The following FOXP1 variants were observed in gnomAD, a reference collection of about 807,000 sequenced individuals.
The protein encoded by FOXP1 is forkhead box protein P1.
In FOXP1, 15 loss-of-function variants were observed where a neutral mutation model predicts 98.2. That is an observed-to-expected ratio of 0.15 (90% CI 0.10 to 0.24). The LOEUF (loss-of-function observed/expected upper bound fraction) is 0.24. Ranked by LOEUF, FOXP1 falls within the 10% of genes least tolerant of loss-of-function variation. FOXP1 has a pLI of 1.00. For synonymous variants in FOXP1, 371 were observed against 314.5 expected (o/e 1.18, Z -1.90); for missense variants, 633 against 848.5 (o/e 0.75, Z 3.15).
intron 3 of FOXP1, among the ~76,000 whole-genome samples, chr3:71,425,125 G>A (rs2084034359): frequency 6.6e-6 from 1 of 151,342 alleles, no homozygotes; most frequent in South Asian, 2.1e-4. Context: ...GTTTTGTTTT[G>A]TTTTGTATGA....
intron 2 of FOXP1, among the ~76,000 whole-genome samples, chr3:71,539,334 G>A (rs2044601342): frequency 6.8e-6 from 1 of 147,580 alleles, no homozygotes; most frequent in African/African-American, 2.5e-5. Context: ...TGTTAGCCAG[G>A]ATGGTCTCGA....
intron 3 of FOXP1, among the ~76,000 whole-genome samples, chr3:71,467,305 C>A (rs907582226): frequency 6.6e-6 from 1 of 152,120 alleles, no homozygotes; most frequent in Admixed American, 6.5e-5. Context: ...GCTTCATTCA[C>A]CACACAGTAC....
At chr3:71,274,864 C>A (rs2070737214) in intron 5 of FOXP1, among the ~76,000 whole-genome samples, 1 of 152,204 alleles carries the variant, frequency 6.6e-6, no homozygotes, top group Non-Finnish European at 1.5e-5. Context: ...AATTCAGTAT[C>A]TGATCAATTG....
At chr3:71,174,937 G>C (rs1166228813) in intron 6 of FOXP1, among the ~76,000 whole-genome samples, 1 of 149,814 alleles carries the variant, frequency 6.7e-6, no homozygotes, top group Non-Finnish European at 1.5e-5. Context: ...TTTTGAGATG[G>C]AGTCTCGCTC....
intron 6 of FOXP1, chr3:71,130,599 T>G (rs764734707): frequency 6.3e-7 from 1 of 1,598,244 alleles, no homozygotes; most frequent in Non-Finnish European, 8.5e-7. Flanking sequence ...GAAGCGGGGG[T>G]TGCCGAGTGG....
intron 4 of FOXP1, chr3:71,333,439 C>T (rs2076469608): frequency 6.6e-6 from 1 of 152,064 alleles, no homozygotes; most frequent in Non-Finnish European, 1.5e-5. Context: ...AAAATGAAAG[C>T]ATTTATCAGA....
chr3:71,384,884 T>A (rs751899527), intron 3 of FOXP1, among the ~76,000 whole-genome samples: 1 of 152,162 alleles, frequency 6.6e-6, no homozygotes, highest in Non-Finnish European at 1.5e-5. Context: ...GGTGACACAT[T>A]TTCTAGAACC....
intron 3 of FOXP1, among the ~76,000 whole-genome samples, chr3:71,439,921 C>T (rs2085751248): frequency 7.0e-6 from 1 of 143,638 alleles, no homozygotes; most frequent in African/African-American, 2.6e-5. Context: ...ACACTCCAGC[C>T]TGGGCGAGAG....
chr3:71,086,395 G>A (rs1247654249), intron 7 of FOXP1, among the ~76,000 whole-genome samples: 4 of 152,182 alleles, frequency 2.6e-5, no homozygotes, highest in Non-Finnish European at 4.4e-5. Context: ...CATGAAAGGG[G>A]ATCTTCTCTC....
intron 7 of FOXP1, among the ~76,000 whole-genome samples, chr3:71,086,188 C>T (rs1170860589): frequency 6.6e-6 from 1 of 152,158 alleles, no homozygotes; most frequent in African/African-American, 2.4e-5. Context: ...GGATTGAAAT[C>T]CATCACAACT....
intron 3 of FOXP1, among the ~76,000 whole-genome samples, chr3:71,389,675 G>A (rs1396152367): frequency 6.6e-6 from 1 of 152,052 alleles, no homozygotes; most frequent in South Asian, 2.1e-4. Context: ...GAGAATACCT[G>A]TTTAGGTAAC....
chr3:71,149,245 G>C (rs1034603891), intron 6 of FOXP1, among the ~76,000 whole-genome samples: 4 of 152,190 alleles, frequency 2.6e-5, no homozygotes, highest in Admixed American at 6.5e-5. Flanking sequence ...GGAAAGGCAA[G>C]TTATAAGTAA....
chr3:71,411,613 C>T (rs1303355841), intron 3 of FOXP1, among the ~76,000 whole-genome samples: 9 of 152,198 alleles, frequency 5.9e-5, no homozygotes, highest in African/African-American at 1.9e-4. Context: ...TGAGCCACTG[C>T]GCCCGGCTGA....
chr3:71,019,172 GA>G (rs2045007782), intron 11 of FOXP1, among the ~76,000 whole-genome samples: 1 of 152,170 alleles, frequency 6.6e-6, no homozygotes, highest in South Asian at 2.1e-4. Flanking sequence ...AAATAAAAAT[GA>G]GGAGAATAAT....
At position 71,229,169 on chromosome 3, in the gene FOXP1, C is replaced by T. The variant is rs142896287; in HGVS notation, c.-11-30777G>A. 7.2e-3 allele frequency among the ~76,000 whole-genome samples: 1,093 copies of T among 152,084 alleles called. 14 individuals carry two copies. Among genetic ancestry groups the T allele is most frequent in the African/African-American group, 0.025 (1,017 of 41,472 alleles). On this transcript the variant is annotated intron_variant, in intron 5 of 20. Transcript: ENST00000649528. ...CACCAGTTTTTCCCCCAGTTTTAGC[C>T]GAGATACCAGTTTCTCCTGACTTCT...
chr3:71,191,346 G>C (rs1193619334), intron 6 of FOXP1, among the ~76,000 whole-genome samples: 1 of 152,160 alleles, frequency 6.6e-6, no homozygotes, highest in Non-Finnish European at 1.5e-5. Flanking sequence ...ACAAGAGATA[G>C]GGCGTTCTTT....
At chr3:71,397,630 C>G (rs1342743274) in intron 3 of FOXP1, among the ~76,000 whole-genome samples, 1 of 152,220 alleles carries the variant, frequency 6.6e-6, no homozygotes, top group Non-Finnish European at 1.5e-5. Flanking sequence ...CAAGAGCTAT[C>G]AAGTCTGCAG....
intron 9 of FOXP1, among the ~76,000 whole-genome samples, chr3:71,051,735 C>T (rs28667253): frequency 7.7e-4 from 117 of 152,224 alleles, no homozygotes; most frequent in African/African-American, 2.6e-3. Context: ...GTCATAATAA[C>T]GCACACATGC....
At chr3:71,084,496 A>T (rs2054805449) in intron 7 of FOXP1, among the ~76,000 whole-genome samples, 1 of 152,192 alleles carries the variant, frequency 6.6e-6, no homozygotes, top group African/African-American at 2.4e-5. Flanking sequence ...TCACTTTCAT[A>T]GAGTCTGGTA....
Sources: gnomAD v4.1 joint callset for allele counts (sites outside exome capture counted in the v4.1 genomes callset) on GRCh38, gnomAD v4.1.1 for gene constraint, MANE v1.5 for transcripts, NCBI Gene and HGNC (gene_info 2026-07-23, HGNC 2026-07-21) for gene names.